The following NEMP2 variants were observed in gnomAD, a reference collection of about 807,000 sequenced individuals.
The protein encoded by NEMP2 is nuclear envelope integral membrane protein 2.
A neutral mutation model predicts 54.2 loss-of-function variants in NEMP2; 53 were observed. The ratio of observed to expected loss-of-function variants is 0.98; its 90% CI spans 0.78 to 1.23. The LOEUF (loss-of-function observed/expected upper bound fraction) is 1.23, where lower values mean the gene tolerates loss of function less well. Ranked by LOEUF, NEMP2 falls within the 50% of genes most tolerant of loss-of-function variation. The pLI, the probability that NEMP2 is intolerant of heterozygous loss-of-function variation, is 0.00. For missense variants in NEMP2, 455 were observed against 511.3 expected (o/e 0.89, Z 1.06); for synonymous variants, 197 against 190.3 (o/e 1.04, Z -0.29).
At chr2:190,453,756 C>T in the NEMP2 span, among the ~76,000 whole-genome samples, 1 of 152,194 alleles carries the variant, frequency 6.6e-6, no homozygotes, top group Non-Finnish European at 1.5e-5. Flanking sequence ...ACTGGAGAAG[C>T]ACAGAACGGA....
chr2:190,584,472 A>T, the NEMP2 span, among the ~76,000 whole-genome samples: 1 of 152,198 alleles, frequency 6.6e-6, no homozygotes, highest in African/African-American at 2.4e-5. The surrounding 1 kb of genome is among the most constrained non-coding windows in gnomAD (Gnocchi z 4.2). Context: ...GGTGTTCATC[A>T]TGATAGCTCC....
At chr2:190,536,176 A>G (rs1365655314), upstream of NEMP2, among the ~76,000 whole-genome samples, 2 of 152,196 alleles carry the variant, frequency 1.3e-5, no homozygotes, top group African/African-American at 2.4e-5. Flanking sequence ...CGGAGATAAC[A>G]AGAATGTTAG....
the NEMP2 span, among the ~76,000 whole-genome samples, chr2:190,632,769 C>T: frequency 3.3e-5 from 5 of 151,910 alleles, no homozygotes; most frequent in South Asian, 2.1e-4. The surrounding 1 kb of genome is among the most constrained non-coding windows in gnomAD (Gnocchi z 4.8). Flanking sequence ...ACTTGGCAGG[C>T]GACAAATGAA....
chr2:190,497,533 G>C, the NEMP2 span: 2 of 1,614,174 alleles, frequency 1.2e-6, no homozygotes, highest in East Asian at 2.2e-5. The surrounding 1 kb of genome is among the most constrained non-coding windows in gnomAD (Gnocchi z 5.2). Flanking sequence ...AAGATGTCAT[G>C]CCACGCATTG....
the NEMP2 span, chr2:190,628,658 G>A: frequency 3.3e-5 from 5 of 152,302 alleles, no homozygotes; most frequent in African/African-American, 1.2e-4. This position sits in a 1 kb window ranked among gnomAD's most constrained non-coding sequence, Gnocchi z 4.1. Flanking sequence ...TGGGGAGCTG[G>A]GGATGGGCAG....
chr2:190,559,474 G>A, the NEMP2 span, among the ~76,000 whole-genome samples: 2 of 152,058 alleles, frequency 1.3e-5, no homozygotes, highest in African/African-American at 4.8e-5. The surrounding 1 kb of genome is among the most constrained non-coding windows in gnomAD (Gnocchi z 4.0). Flanking sequence ...AAATGAGAAG[G>A]CCAAGGAGAG....
At chr2:190,441,604 T>A in the NEMP2 span, among the ~76,000 whole-genome samples, 2 of 152,158 alleles carry the variant, frequency 1.3e-5, no homozygotes, top group African/African-American at 4.8e-5. Context: ...TTTACTTATG[T>A]ACATGTGCTG....
chr2:190,540,554 T>A, the NEMP2 span, among the ~76,000 whole-genome samples: 125,958 of 152,110 alleles, frequency 0.83, 52,313 homozygotes, highest in Admixed American at 0.86. Flanking sequence ...GCCTCCCAAC[T>A]TGCTGGGATT....
At chr2:190,437,513 C>G in the NEMP2 span, 2 of 1,614,144 alleles carry the variant, frequency 1.2e-6, no homozygotes, top group Non-Finnish European at 8.5e-7. This position sits in a 1 kb window ranked among gnomAD's most constrained non-coding sequence, Gnocchi z 5.9. Context: ...TCTGAGCTGA[C>G]AGCATATTTT....
At chr2:190,565,768 T>G in the NEMP2 span, among the ~76,000 whole-genome samples, 4 of 152,268 alleles carry the variant, frequency 2.6e-5, no homozygotes, top group Admixed American at 1.3e-4. Context: ...GGAAATATGC[T>G]CTTTGAAAGG....
chr2:190,586,778 A>G, the NEMP2 span, among the ~76,000 whole-genome samples: 1 of 152,184 alleles, frequency 6.6e-6, no homozygotes, highest in Non-Finnish European at 1.5e-5. This position sits in a 1 kb window ranked among gnomAD's most constrained non-coding sequence, Gnocchi z 4.5. Flanking sequence ...AAAATTTTAA[A>G]CACATAAAAA....
At position 190,523,292 on chromosome 2, in the gene NEMP2, T is replaced by C. The variant is rs896919933; in HGVS notation, c.213+1971A>G. On this transcript the variant is annotated intron_variant, in intron 2 of 8. Coordinates refer to ENST00000409150, the MANE Select transcript of NEMP2 (RefSeq NM_001142645.2). The surrounding 1 kb of genome is among the most constrained non-coding windows in gnomAD (Gnocchi z 5.3). ...AAAACACTATAAATAAATATTGAAC[T>C]CCTGTTACTAGGTTTGTTTTTTGTA... Among the ~76,000 whole-genome samples, 3 of 152,214 alleles carry C rather than the reference T, an allele frequency of 2.0e-5. No individual in the cohort carries two copies. Among genetic ancestry groups the C allele is most frequent in the Non-Finnish European group, 4.4e-5 (3 of 68,040 alleles).
the NEMP2 span, among the ~76,000 whole-genome samples, chr2:190,424,960 C>T: frequency 6.6e-6 from 1 of 152,164 alleles, no homozygotes; most frequent in South Asian, 2.1e-4. The surrounding 1 kb of genome is among the most constrained non-coding windows in gnomAD (Gnocchi z 5.9). Context: ...TGTGTTAAAC[C>T]TGTATATCAA....
chr2:190,628,369 T>C, the NEMP2 span: 1 of 152,230 alleles, frequency 6.6e-6, no homozygotes, highest in Admixed American at 6.5e-5. This position sits in a 1 kb window ranked among gnomAD's most constrained non-coding sequence, Gnocchi z 4.1. Flanking sequence ...CGCCTGTTAC[T>C]GCTTCTTCAC....
At chr2:190,451,713 A>G in the NEMP2 span, among the ~76,000 whole-genome samples, 2 of 151,826 alleles carry the variant, frequency 1.3e-5, no homozygotes. The surrounding 1 kb of genome is among the most constrained non-coding windows in gnomAD (Gnocchi z 5.0). Context: ...GATCTTGGGG[A>G]CAGAGAAAAC....
upstream of NEMP2, chr2:190,535,812 AT>A (rs1691357597): frequency 6.6e-6 from 1 of 152,216 alleles, no homozygotes; most frequent in Non-Finnish European, 1.5e-5. Context: ...ATAAACCATC[AT>A]TACTTGAGTG....
At chr2:190,429,669 A>G in the NEMP2 span, among the ~76,000 whole-genome samples, 2 of 152,074 alleles carry the variant, frequency 1.3e-5, no homozygotes, top group African/African-American at 4.8e-5. Flanking sequence ...AATGTTTAAT[A>G]TACTCTGTGT....
chr2:190,497,866 T>A, the NEMP2 span: 6 of 908,796 alleles, frequency 6.6e-6, no homozygotes, highest in Non-Finnish European at 9.8e-6. The surrounding 1 kb of genome is among the most constrained non-coding windows in gnomAD (Gnocchi z 5.2). Flanking sequence ...CAGTACTCTG[T>A]GAGCACTGAG....
At chr2:190,611,232 C>G in the NEMP2 span, among the ~76,000 whole-genome samples, 2 of 152,306 alleles carry the variant, frequency 1.3e-5, no homozygotes, top group East Asian at 3.9e-4. The surrounding 1 kb of genome is among the most constrained non-coding windows in gnomAD (Gnocchi z 5.4). Context: ...AGGAGTCTCC[C>G]ATAACTTTGG....
Sources: gnomAD v4.1 joint callset for allele counts (sites outside exome capture counted in the v4.1 genomes callset) on GRCh38, gnomAD v4.1.1 for gene constraint, Gnocchi (gnomAD v3.1) non-coding constraint, MANE v1.5 for transcripts, NCBI Gene and HGNC (gene_info 2026-07-23, HGNC 2026-07-21) for gene names.